The following NHS variants were observed in gnomAD, a reference collection of about 807,000 sequenced individuals.
NHS encodes the protein NHS actin remodeling regulator.
NHS carries 5 observed loss-of-function variants against 72.5 expected under a neutral mutation model. The ratio of observed to expected loss-of-function variants is 0.07; its 90% CI spans 0.04 to 0.14. The LOEUF is 0.14. Ranked by LOEUF, NHS falls within the 10% of genes least tolerant of loss-of-function variation. The pLI, the probability that NHS is intolerant of heterozygous loss-of-function variation, is 1.00. For missense variants in NHS, 1,072 were observed against 1,355.7 expected (o/e 0.79, Z 3.29); for synonymous variants, 464 against 547.7 (o/e 0.85, Z 2.13).
At chrX:17,487,335 G>GT (rs1266207186) in intron 1 of NHS, among the ~76,000 whole-genome samples, 2 of 111,645 alleles carry the variant, frequency 1.8e-5, no homozygotes, top group Non-Finnish European at 3.8e-5. Flanking sequence ...GTTATCCAGG[G>GT]TTTTTTTCTG....
chrX:17,721,359 T>C, intron 4 of NHS, 82 bp from the exon 5 acceptor site: 1 of 1,022,619 alleles, frequency 9.8e-7, no homozygotes, highest in Non-Finnish European at 1.4e-6. Flanking sequence ...CCTCATTTTT[T>C]CTTCTCTAAA....
chrX:17,554,492 G>A (rs2065356415), intron 1 of NHS, among the ~76,000 whole-genome samples: 1 of 112,666 alleles, frequency 8.9e-6, no homozygotes, highest in African/African-American at 3.2e-5. Flanking sequence ...GTTAGGCACC[G>A]TTTGCCAAAA....
rs1260103496 is a variant in NHS at position 17,734,397 on chromosome X, T to A, written c.*1933T>A. ...GAAAGAAAAAAAATGTCTGGCTTCT[T>A]CTACTATTTGTTTTCACTACCAAAC... On this transcript the variant is annotated 3_prime_UTR_variant, in exon 9 of 9. Transcript: ENST00000676302. The A allele has an allele frequency of 2.7e-5, 3 of 112,384 alleles. No homozygotes were observed. The highest frequency in any genetic ancestry group is 4.6e-3 in the Middle Eastern group (1 of 217). 9.3% of individuals were successfully genotyped at this position (112,384 alleles called of 1,213,427 possible).
chrX:17,493,735 A>G (rs1339364811), intron 1 of NHS, among the ~76,000 whole-genome samples: 6 of 111,906 alleles, frequency 5.4e-5, no homozygotes, highest in Admixed American at 1.9e-4. Flanking sequence ...CCCACGCCAG[A>G]TCTACTGAGT....
intron 1 of NHS, among the ~76,000 whole-genome samples, chrX:17,618,831 C>A (rs757983421): frequency 1.3e-4 from 14 of 111,713 alleles, no homozygotes; most frequent in Non-Finnish European, 2.6e-4. Flanking sequence ...ATTAACTCAC[C>A]AATTGAAAAT....
chrX:17,447,490 A>G (rs749724813), intron 1 of NHS, among the ~76,000 whole-genome samples: 1 of 111,329 alleles, frequency 9.0e-6, no homozygotes, highest in South Asian at 3.8e-4. Flanking sequence ...CGAAAGGGAC[A>G]GGTGGACATT....
intron 1 of NHS, among the ~76,000 whole-genome samples, chrX:17,653,412 T>G (rs749737052): frequency 3.6e-5 from 4 of 110,017 alleles, no homozygotes; most frequent in Non-Finnish European, 5.7e-5. Flanking sequence ...GGTTTTCTTT[T>G]CTTTTCTTTT....
At chrX:17,493,576 G>A (rs189151859) in intron 1 of NHS, among the ~76,000 whole-genome samples, 89 of 111,792 alleles carry the variant, frequency 8.0e-4, no homozygotes, top group African/African-American at 2.6e-3. Flanking sequence ...AGTACATTTC[G>A]AATGAGTGGA....
intron 3 of NHS, chrX:17,705,741 C>T (rs972180962): frequency 8.9e-6 from 1 of 112,146 alleles, no homozygotes; most frequent in Non-Finnish European, 1.9e-5. Flanking sequence ...AGAGAACACA[C>T]CTGTACATGG....
chrX:17,394,014 C>T (rs922971778), intron 1 of NHS, among the ~76,000 whole-genome samples: 3 of 111,676 alleles, frequency 2.7e-5, no homozygotes, highest in Admixed American at 9.5e-5. Flanking sequence ...GCCCCCCCAC[C>T]GCACCCTCAG....
chrX:17,448,825 G>T (rs2064793790), intron 1 of NHS, among the ~76,000 whole-genome samples: 1 of 111,963 alleles, frequency 8.9e-6, no homozygotes, highest in Non-Finnish European at 1.9e-5. Context: ...GCATATATAT[G>T]TGTGCATCTG....
At chrX:17,656,817 G>T (rs2065959143) in intron 1 of NHS, among the ~76,000 whole-genome samples, 1 of 111,635 alleles carries the variant, frequency 9.0e-6, no homozygotes, top group Non-Finnish European at 1.9e-5. Flanking sequence ...GGATTCGACG[G>T]CTCTGTGAGT....
intron 1 of NHS, among the ~76,000 whole-genome samples, chrX:17,453,727 C>A (rs1284701347): frequency 2.7e-5 from 3 of 112,216 alleles, no homozygotes; most frequent in Admixed American, 9.4e-5. Context: ...CAACACACAG[C>A]AAAGGTTTGG....
chrX:17,644,847 C>G (rs1379778742), intron 1 of NHS, among the ~76,000 whole-genome samples: 1 of 110,605 alleles, frequency 9.0e-6, no homozygotes, highest in Non-Finnish European at 1.9e-5. Flanking sequence ...CTGTGGCTTC[C>G]TGAACTGCCA....
chrX:17,379,365 A>C (rs913196976), intron 1 of NHS, among the ~76,000 whole-genome samples: 1 of 110,834 alleles, frequency 9.0e-6, no homozygotes, highest in Non-Finnish European at 1.9e-5. Flanking sequence ...TTCTGAATGC[A>C]TTTTGGAAAT....
intron 1 of NHS, among the ~76,000 whole-genome samples, chrX:17,498,530 A>G (rs2065023402): frequency 8.9e-6 from 1 of 112,068 alleles, no homozygotes; most frequent in African/African-American, 3.2e-5. Flanking sequence ...TCTTGTTTGT[A>G]TAGTCTAACA....
chrX:17,462,792 T>G (rs964045127), intron 1 of NHS, among the ~76,000 whole-genome samples: 5 of 111,788 alleles, frequency 4.5e-5, no homozygotes, highest in African/African-American at 1.6e-4. Context: ...ATCGTTTCAC[T>G]TATTTACACT....
At chrX:17,626,369 G>A (rs750678496) in intron 1 of NHS, among the ~76,000 whole-genome samples, 9 of 112,273 alleles carry the variant, frequency 8.0e-5, no homozygotes, top group Non-Finnish European at 1.5e-4. Flanking sequence ...AGTTTGCAAT[G>A]GCAGGTTCCC....
intron 1 of NHS, among the ~76,000 whole-genome samples, chrX:17,433,196 C>CTT (rs768285319): frequency 1.2e-4 from 8 of 64,600 alleles, no homozygotes; most frequent in Non-Finnish European, 2.0e-4. Context: ...CGCCCGGCTA[C>CTT]TTTTTTTTTT....
Sources: allele counts gnomAD v4.1 joint callset (sites outside exome capture counted in the v4.1 genomes callset), GRCh38; gene constraint gnomAD v4.1.1; transcripts MANE v1.5; gene names NCBI Gene and HGNC (gene_info 2026-07-23, HGNC 2026-07-21).